Variants in FLYWCH1 observed in about 807,000 individuals in gnomAD.
FLYWCH1 encodes FLYWCH-type zinc finger-containing protein 1.
In FLYWCH1, 75 loss-of-function variants were observed where a neutral mutation model predicts 66.4. That is an observed-to-expected ratio of 1.13 (90% CI 0.94 to 1.37). The LOEUF (loss-of-function observed/expected upper bound fraction) is 1.37, where lower values mean the gene tolerates loss of function less well. Among genes scored for constraint, FLYWCH1 ranks in the 40% most tolerant of loss-of-function variants. The pLI is 0.00. For synonymous variants in FLYWCH1, 595 were observed against 429.9 expected (o/e 1.38, Z -4.75); for missense variants, 1,334 against 1,001.8 (o/e 1.33, Z -4.48).
In FLYWCH1 at chr16:2,940,062, C is replaced by G. The variant is rs746275336; in HGVS notation, c.2081C>G (p.Thr694Arg). ...ATTCAAGTTCAGCTGTGCTTCAAGA[C>G]GTGTTCTCCTGAAAGCCAGCAGATT... is the stretch of plus-strand genomic sequence containing the variant. ...EKIQVQLCFKTCSPESQQIYG... is the reference protein window; with the variant it reads ...EKIQVQLCFKRCSPESQQIYG... The change falls in exon 9 of 10, where the codon ACG (threonine) becomes AGG (arginine). Residue 694 changes from threonine to arginine, a missense_variant. Transcript: ENST00000253928. 1.3e-6 allele frequency: 2 copies of G among 1,536,560 alleles called. No individual in the cohort carries two copies. Among genetic ancestry groups the G allele is most frequent in the South Asian group, 1.1e-5 (1 of 89,070 alleles).
chr16:2,928,070 T>C (rs1414162070), intron 2 of FLYWCH1, among the ~76,000 whole-genome samples: 1 of 152,222 alleles, frequency 6.6e-6, no homozygotes, highest in Non-Finnish European at 1.5e-5. Flanking sequence ...TAGGCCAGAT[T>C]TGTGTTTCAC....
chr16:2,917,779 C>T (rs1426186158), intron 2 of FLYWCH1, among the ~76,000 whole-genome samples: 2 of 152,042 alleles, frequency 1.3e-5, no homozygotes, highest in East Asian at 3.9e-4. Flanking sequence ...GTTCCTCCCT[C>T]TTCCTTTGGC....
intron 1 of FLYWCH1, among the ~76,000 whole-genome samples, chr16:2,913,708 C>CAG (rs1416302260): frequency 6.6e-6 from 1 of 152,194 alleles, no homozygotes; most frequent in Admixed American, 6.5e-5. Context: ...CTGCCACCTT[C>CAG]AACCTCTTCA....
At chr16:2,920,473 C>T (rs1038821834) in intron 2 of FLYWCH1, among the ~76,000 whole-genome samples, 1 of 151,400 alleles carries the variant, frequency 6.6e-6, no homozygotes, top group Non-Finnish European at 1.5e-5. Context: ...AAGATTACGC[C>T]ATTGCACTCC....
At chr16:2,945,311 T>A (rs1281481247) in intron 9 of FLYWCH1, among the ~76,000 whole-genome samples, 1 of 150,284 alleles carries the variant, frequency 6.7e-6, no homozygotes, top group Non-Finnish European at 1.5e-5. Flanking sequence ...CACGGTAAAA[T>A]CCCGTCTCTA....
intron 4 of FLYWCH1, among the ~76,000 whole-genome samples, chr16:2,932,218 C>T (rs905194471): frequency 2.8e-5 from 4 of 144,844 alleles, no homozygotes; most frequent in Admixed American, 7.2e-5. Flanking sequence ...TTGCAGTGAG[C>T]CAAGATCGAG....
chr16:2,933,531 C>A lies in FLYWCH1; in HGVS notation c.1198C>A (p.Pro400Thr), dbSNP rs748337647. The change falls in exon 5 of 10, where the codon CCA (proline) becomes ACA (threonine). Residue 400 changes from proline to threonine, a missense_variant. Physicochemically the swap from Pro to Thr is conservative, Grantham distance 38. Transcript: ENST00000253928. Reference sequence around the variant, plus strand: ...AGCAAAGGTCGAAGACCAGGAGCTGCCAACCCAGCCCGAGGCCCCAGACGA... The same window carrying A: ...AGCAAAGGTCGAAGACCAGGAGCTGACAACCCAGCCCGAGGCCCCAGACGA... ...KRAKVEDQEL[P>T]TQPEAPDEHQ... is the part of the protein sequence containing the mutation. 6.2e-7 allele frequency: 1 copy of A among 1,609,610 alleles called. No individual in the cohort carries two copies. The highest frequency in any genetic ancestry group is 1.1e-5 in the South Asian group (1 of 90,560).
At chr16:2,943,675 C>T (rs1259300400) in intron 9 of FLYWCH1, 3 of 152,182 alleles carry the variant, frequency 2.0e-5, no homozygotes, top group African/African-American at 4.8e-5. Flanking sequence ...GGGGTTCACG[C>T]CTGTAATCCC....
intron 2 of FLYWCH1, among the ~76,000 whole-genome samples, chr16:2,915,801 GAAA>G (rs545844349): frequency 9.5e-6 from 1 of 105,716 alleles, no homozygotes; most frequent in African/African-American, 3.5e-5. Context: ...TGTGTCGAGA[GAAA>G]AAAAAAAAAA....
chr16:2,939,914 C>G, intron 8 of FLYWCH1, 118 bp from the exon 9 acceptor site: 11 of 1,217,814 alleles, frequency 9.0e-6, no homozygotes, highest in Non-Finnish European at 1.2e-5. Flanking sequence ...GTTGCTTCAC[C>G]CGGTTGTCTT....
intron 9 of FLYWCH1, among the ~76,000 whole-genome samples, chr16:2,946,205 G>A (rs747520586): frequency 1.5e-4 from 23 of 151,698 alleles, no homozygotes; most frequent in Non-Finnish European, 2.9e-4. Context: ...TATACTAAGT[G>A]TGCAGGACAT....
intron 2 of FLYWCH1, among the ~76,000 whole-genome samples, chr16:2,929,135 C>A (rs771754969): frequency 4.3e-4 from 66 of 152,214 alleles, no homozygotes; most frequent in Non-Finnish European, 7.3e-4. Context: ...CCAAAAAGGT[C>A]CTGACAAGTC....
At chr16:2,937,518 G>C in intron 7 of FLYWCH1, 134 bp downstream of exon 7, 3 of 1,093,090 alleles carry the variant, frequency 2.7e-6, no homozygotes, top group Non-Finnish European at 3.7e-6. Context: ...AAACTCCCCA[G>C]GGGCAGGAGG....
intron 7 of FLYWCH1, 122 bp from the exon 8 acceptor site, chr16:2,938,062 C>A: frequency 1.1e-6 from 1 of 946,090 alleles, no homozygotes. Flanking sequence ...CAGGGACCAC[C>A]GTGCAGCGTG....
rs777824122 is a variant in FLYWCH1 at position 2,933,571 on chromosome 16, A to G, written c.1238A>G (p.Asp413Gly). Residue 413 changes from aspartate to glycine, a missense_variant, in exon 5 of 10, where the codon GAC becomes GGC. By Grantham distance (94) the Asp-to-Gly change is moderately conservative (BLOSUM62 -1). Transcript: ENST00000253928. ...PEAPDEHQDMDADPGGPEFLK... is the reference protein window; with the variant it reads ...PEAPDEHQDMGADPGGPEFLK... Reference sequence around the variant, plus strand: ...GCCCCAGACGAGCACCAGGACATGGACGCAGACCCGGGTGAGCTGCCTTCC... The same window carrying G: ...GCCCCAGACGAGCACCAGGACATGGGCGCAGACCCGGGTGAGCTGCCTTCC... The G allele has an allele frequency of 1.3e-6, 2 of 1,592,260 alleles. No homozygotes were observed. Among genetic ancestry groups the G allele is most frequent in the Non-Finnish European group, 1.7e-6 (2 of 1,168,378 alleles).
intron 8 of FLYWCH1, among the ~76,000 whole-genome samples, chr16:2,939,164 G>A (rs571279376): frequency 9.5e-4 from 144 of 152,290 alleles, no homozygotes; most frequent in African/African-American, 3.4e-3. Context: ...AATCCAAGTT[G>A]GCCAGGCACA....
At position 2,948,851 on chromosome 16, in the gene FLYWCH1, GGTCTTCGC is replaced by G; in HGVS notation, c.*129_*136del. 1 of 823,192 alleles carries G rather than the reference GGTCTTCGC, an allele frequency of 1.2e-6. No homozygotes were observed. Among genetic ancestry groups the G allele is most frequent in the Non-Finnish European group, 2.0e-6 (1 of 497,738 alleles). 51.0% of individuals were successfully genotyped at this position (823,192 alleles called of 1,614,324 possible). On this transcript the variant is annotated 3_prime_UTR_variant, in exon 10 of 10. Coordinates refer to ENST00000253928, the MANE Select transcript of FLYWCH1 (RefSeq NM_001308068.2). ...CTTTTCATTCTTCCAAAGCATCGAT[GGTCTTCGC>G]GTCTCCTCAGGAGGTCTCCCAGGAG...
chr16:2,935,870 G>C (rs1055088170), intron 6 of FLYWCH1: 1 of 152,146 alleles, frequency 6.6e-6, no homozygotes, highest in African/African-American at 2.4e-5. Context: ...ATCCCTTTCT[G>C]TTGCTCCTGT....
intron 4 of FLYWCH1, among the ~76,000 whole-genome samples, chr16:2,932,145 C>T (rs866494459): frequency 5.8e-5 from 8 of 137,446 alleles, no homozygotes; most frequent in South Asian, 2.3e-4. Flanking sequence ...ATTAGCTGGG[C>T]GTGGAGGCGC....
Sources: allele counts gnomAD v4.1 joint callset (sites outside exome capture counted in the v4.1 genomes callset), GRCh38; gene constraint gnomAD v4.1.1; transcripts MANE v1.5; gene names NCBI Gene and HGNC (gene_info 2026-07-23, HGNC 2026-07-21).